The following CTNND2 variants were observed in gnomAD, a reference collection of about 807,000 sequenced individuals.
CTNND2 encodes catenin delta-2.
In CTNND2, 22 loss-of-function variants were observed where a neutral mutation model predicts 144.4. That is an observed-to-expected ratio of 0.15 (90% CI 0.11 to 0.22). CTNND2 has a LOEUF of 0.22. Among genes scored for constraint, CTNND2 ranks in the 10% least tolerant of loss-of-function variants. CTNND2 has a pLI of 1.00. For missense variants in CTNND2, 1,353 were observed against 1,618.8 expected (o/e 0.84, Z 2.82); for synonymous variants, 751 against 695.6 (o/e 1.08, Z -1.25).
chr5:11,102,024 C>G (rs982472169), intron 14 of CTNND2, among the ~76,000 whole-genome samples: 1 of 151,748 alleles, frequency 6.6e-6, no homozygotes, highest in Middle Eastern at 3.4e-3. Context: ...TTTAAAAAAG[C>G]TTTTTTGCTG....
At chr5:11,257,893 A>G (rs1744442200) in intron 9 of CTNND2, among the ~76,000 whole-genome samples, 1 of 152,166 alleles carries the variant, frequency 6.6e-6, no homozygotes, top group African/African-American at 2.4e-5. Context: ...GACAGTCTCC[A>G]TGCTAAGTAA....
chr5:11,614,683 G>A (rs530791057), intron 2 of CTNND2, among the ~76,000 whole-genome samples: 2 of 152,312 alleles, frequency 1.3e-5, no homozygotes, highest in African/African-American at 2.4e-5. Flanking sequence ...GTCACATGAC[G>A]GAATATTCTA....
intron 8 of CTNND2, among the ~76,000 whole-genome samples, chr5:11,354,797 C>A (rs546217716): frequency 6.6e-6 from 1 of 152,164 alleles, no homozygotes; most frequent in Non-Finnish European, 1.5e-5. Flanking sequence ...CTTCAGAATA[C>A]ACATTCTTCT....
intron 1 of CTNND2, among the ~76,000 whole-genome samples, chr5:11,885,012 T>C (rs1736414703): frequency 6.6e-6 from 1 of 152,212 alleles, no homozygotes; most frequent in African/African-American, 2.4e-5. Flanking sequence ...AAATCTCACT[T>C]GATCATGGCG....
At chr5:11,180,225 G>A (rs928586170) in intron 11 of CTNND2, among the ~76,000 whole-genome samples, 6 of 151,034 alleles carry the variant, frequency 4.0e-5, no homozygotes, top group South Asian at 4.2e-4. Context: ...CCCCCGCATC[G>A]CTCTCTCTCT....
At chr5:11,149,448 T>G (rs1757544388) in intron 12 of CTNND2, among the ~76,000 whole-genome samples, 1 of 152,220 alleles carries the variant, frequency 6.6e-6, no homozygotes, top group Non-Finnish European at 1.5e-5. Context: ...GGCCTCTCCC[T>G]GGGCACGGCC....
At chr5:11,081,450 C>T (rs1437651948) in intron 16 of CTNND2, among the ~76,000 whole-genome samples, 2 of 152,228 alleles carry the variant, frequency 1.3e-5, no homozygotes, top group African/African-American at 2.4e-5. Flanking sequence ...GAAGTGTTTT[C>T]GGATTTTAGA....
chr5:11,621,781 T>C (rs933182061), intron 2 of CTNND2, among the ~76,000 whole-genome samples: 1 of 152,194 alleles, frequency 6.6e-6, no homozygotes, highest in Admixed American at 6.6e-5. Flanking sequence ...CTTTGTTATA[T>C]GTTTCCCATC....
chr5:11,197,686 T>A (rs1419619761), intron 11 of CTNND2, among the ~76,000 whole-genome samples: 1 of 151,072 alleles, frequency 6.6e-6, no homozygotes, highest in Non-Finnish European at 1.5e-5. Flanking sequence ...GGCAATGGAG[T>A]AGACTGCGGT....
chr5:11,444,233 C>T (rs185520123), intron 3 of CTNND2, among the ~76,000 whole-genome samples: 6 of 152,224 alleles, frequency 3.9e-5, no homozygotes, highest in South Asian at 4.2e-4. Context: ...CTGGTGTCAT[C>T]GGATCATTGT....
At chr5:10,999,613 CT>C (rs1739712401) in intron 18 of CTNND2, among the ~76,000 whole-genome samples, 2 of 152,232 alleles carry the variant, frequency 1.3e-5, no homozygotes, top group Non-Finnish European at 2.9e-5. Context: ...TGCCCTTCAG[CT>C]GAAGACGCAG....
At chr5:11,605,336 G>C (rs1436886375) in intron 2 of CTNND2, among the ~76,000 whole-genome samples, 1 of 152,170 alleles carries the variant, frequency 6.6e-6, no homozygotes, top group Non-Finnish European at 1.5e-5. Flanking sequence ...AAACAGACAA[G>C]GGTCTTACAT....
At chr5:11,059,139 C>T (rs35182024) in intron 16 of CTNND2, among the ~76,000 whole-genome samples, 11,463 of 152,096 alleles carry the variant, frequency 0.075, 565 homozygotes, top group Non-Finnish European at 0.1. Context: ...CTTGGGAAGG[C>T]ATGATTGGTT....
intron 15 of CTNND2, among the ~76,000 whole-genome samples, chr5:11,086,318 G>A (rs1325793663): frequency 6.6e-6 from 1 of 152,106 alleles, no homozygotes; most frequent in Non-Finnish European, 1.5e-5. Flanking sequence ...TCCTGGAGAA[G>A]AGGCTGCATA....
chr5:11,220,187 A>AT (rs1370389384), intron 10 of CTNND2, among the ~76,000 whole-genome samples: 1 of 151,666 alleles, frequency 6.6e-6, no homozygotes, highest in East Asian at 1.9e-4. Context: ...GTAAAAATCC[A>AT]TAAAAAAAAA....
intron 3 of CTNND2, among the ~76,000 whole-genome samples, chr5:11,554,161 T>TGGC (rs1776014231): frequency 6.6e-6 from 1 of 152,184 alleles, no homozygotes; most frequent in African/African-American, 2.4e-5. Flanking sequence ...TTGCAAGAAT[T>TGGC]AATATGAAGG....
chr5:11,060,902 C>G (rs1056337768), intron 16 of CTNND2, among the ~76,000 whole-genome samples: 2 of 152,180 alleles, frequency 1.3e-5, no homozygotes, highest in African/African-American at 4.8e-5. Context: ...TAAGATGAGA[C>G]TTCCTGTAGA....
chr5:11,591,192 C>T (rs1581575441), intron 2 of CTNND2, among the ~76,000 whole-genome samples: 1 of 152,314 alleles, frequency 6.6e-6, no homozygotes, highest in East Asian at 1.9e-4. Context: ...AACTCACCAT[C>T]ATTCTCTGTG....
intron 3 of CTNND2, among the ~76,000 whole-genome samples, chr5:11,554,130 T>G (rs1776012061): frequency 6.6e-6 from 1 of 152,206 alleles, no homozygotes. Context: ...AGAATATTAG[T>G]ATAATTTGTC....
Sources: gnomAD v4.1 joint callset for allele counts (sites outside exome capture counted in the v4.1 genomes callset) on GRCh38, gnomAD v4.1.1 for gene constraint, MANE v1.5 for transcripts, NCBI Gene and HGNC (gene_info 2026-07-23, HGNC 2026-07-21) for gene names.